PLCH1: variants seen among roughly 807,000 people sequenced by gnomAD.
PLCH1 encodes 1-phosphatidylinositol 4,5-bisphosphate phosphodiesterase eta-1.
In PLCH1, 60 loss-of-function variants were observed where a neutral mutation model predicts 126.7. That is an observed-to-expected ratio of 0.47 (90% CI 0.38 to 0.59). The LOEUF (loss-of-function observed/expected upper bound fraction) is 0.59, where lower values mean the gene tolerates loss of function less well. Among genes scored for constraint, PLCH1 ranks in the 20% least tolerant of loss-of-function variants. The pLI, the probability that PLCH1 is intolerant of heterozygous loss-of-function variation, is 0.00. For synonymous variants in PLCH1, 719 were observed against 734.9 expected, an observed-to-expected ratio of 0.98 and a Z score of 0.35; for missense variants, 1,723 against 2,040.0, an observed-to-expected ratio of 0.84 and a Z score of 2.99.
At chr3:155,702,913 C>A (rs6806592) in intron 2 of PLCH1, among the ~76,000 whole-genome samples, 12,100 of 152,242 alleles carry the variant, frequency 0.079, 522 homozygotes, top group Middle Eastern at 0.17. Flanking sequence ...CTCAGTGCCA[C>A]AGGGTCAAGT....
chr3:155,700,706 A>T (rs1158497677), intron 2 of PLCH1, among the ~76,000 whole-genome samples: 2 of 152,248 alleles, frequency 1.3e-5, no homozygotes, highest in Admixed American at 1.3e-4. Flanking sequence ...TGTGCATATT[A>T]ATTGCAAATA....
chr3:155,469,279 A>T (rs1713064008), intron 21 of PLCH1, among the ~76,000 whole-genome samples: 1 of 152,208 alleles, frequency 6.6e-6, no homozygotes, highest in African/African-American at 2.4e-5. Flanking sequence ...GCAAGGGGTC[A>T]GGGAGTGCCC....
chr3:155,739,585 C>T (rs562232371), intron 1 of PLCH1, among the ~76,000 whole-genome samples: 1 of 152,286 alleles, frequency 6.6e-6, no homozygotes, highest in Non-Finnish European at 1.5e-5. Flanking sequence ...ATCAGAAACT[C>T]TCTACCTGTC....
intron 21 of PLCH1, among the ~76,000 whole-genome samples, chr3:155,472,268 T>TA (rs1713296797): frequency 6.6e-6 from 1 of 152,006 alleles, no homozygotes; most frequent in South Asian, 2.1e-4. Context: ...CCCACAGAAA[T>TA]ACAAACTACC....
chr3:155,693,404 G>A lies in PLCH1; in HGVS notation c.79+10742C>T, dbSNP rs1158813224. On this transcript the variant is annotated intron_variant, in intron 2 of 22. Transcript: ENST00000460012. ...GGCGTGAACCCGGGAAGCGGAGCTT[G>A]CAGTGAGCCGAGATTGCGCCACTGC... 6.0e-5 allele frequency among the ~76,000 whole-genome samples: 2 copies of A among 33,598 alleles called. 1 individual carries two copies. The highest frequency in any genetic ancestry group is 8.8e-5 in the Non-Finnish European group (2 of 22,852). The allele number at this position is 33,598 out of a possible 152,430, so 22.0% of individuals were successfully genotyped here. A position where few individuals can be genotyped will look rare whatever the true frequency, so the allele number is the denominator to read the frequency against.
chr3:155,468,048 T>C (rs1390782848), intron 21 of PLCH1, among the ~76,000 whole-genome samples: 3 of 152,204 alleles, frequency 2.0e-5, no homozygotes, highest in Non-Finnish European at 4.4e-5. Flanking sequence ...AAACACCTTT[T>C]CAAGACATAG....
chr3:155,482,989 A>C lies in PLCH1; in HGVS notation c.3037T>G (p.Phe1013Val). 6.2e-7 allele frequency: 1 copy of C among 1,614,002 alleles called. No homozygotes were observed. Among genetic ancestry groups the C allele is most frequent in the Non-Finnish European group, 8.5e-7 (1 of 1,179,934 alleles). ...GAGGAGGATGATAACTTTTTGTTGA[A>C]ATTTAGAAAATGTGGATCTTTTATA... is the stretch of plus-strand genomic sequence containing the variant. ...ASIKDPHFLN[F>V]NKKLSSSSSA... The change falls in exon 23 of 23, where the codon TTC becomes GTC. Residue 1013 changes from phenylalanine (F) to valine (V), a missense_variant. Phe to Val is a conservative substitution (Grantham distance 50, BLOSUM62 -1). Around this residue, in one of 2 missense-constraint regions of PLCH1, gnomAD observed 947 missense variants for 977.1 expected, o/e 0.97. Coordinates refer to ENST00000460012, the MANE Select transcript of PLCH1 (RefSeq NM_014996.4).
chr3:155,708,040 T>C (rs1488337064), intron 1 of PLCH1, among the ~76,000 whole-genome samples: 1 of 152,184 alleles, frequency 6.6e-6, no homozygotes. Flanking sequence ...GTTTCCCAGT[T>C]ACTGAGAACC....
At chr3:155,543,141 A>G (rs1344454961) in intron 10 of PLCH1, among the ~76,000 whole-genome samples, 1 of 152,214 alleles carries the variant, frequency 6.6e-6, no homozygotes, top group Non-Finnish European at 1.5e-5. Flanking sequence ...AAACTTTGAA[A>G]AAAATTTAGA....
rs1387223214 is a variant in PLCH1, at chr3:155,480,449, A to G, written c.*519T>C. ...ATGGGTGGGATAAGAACATCCTAAA[A>G]GGCAAGGTAACTATTTTAAAGTTTT... On this transcript the variant is annotated 3_prime_UTR_variant, in exon 23 of 23. Transcript: ENST00000460012. The G allele has an allele frequency of 6.5e-6, 1 of 154,048 alleles. No homozygotes were observed. The highest frequency in any genetic ancestry group is 2.4e-5 in the African/African-American group (1 of 41,448). 9.5% of individuals were successfully genotyped at this position (154,048 alleles called of 1,614,324 possible).
At position 155,486,303 on chromosome 3, in the gene PLCH1, A is replaced by G. The variant is rs1009783340; in HGVS notation, c.2620-593T>C. ...CAAAAGAAAAAATGCATACATGTCT[A>G]TAAACCCTTTCTCTTAGTTTTGGGG... On this transcript the variant is annotated intron_variant, in intron 21 of 22. Coordinates refer to ENST00000460012, the MANE Select transcript of PLCH1 (RefSeq NM_014996.4). 3 of 708,452 alleles carry G rather than the reference A, an allele frequency of 4.2e-6. No individual in the cohort carries two copies. In the African/African-American group the frequency reaches 5.4e-5, roughly 13 times the overall value. The allele number at this position is 708,452 out of a possible 1,614,324, so 43.9% of individuals were successfully genotyped here. A position where few individuals can be genotyped will look rare whatever the true frequency, so the allele number is the denominator to read the frequency against.
intron 1 of PLCH1, among the ~76,000 whole-genome samples, chr3:155,724,820 T>C (rs1472533359): frequency 2.1e-5 from 3 of 143,224 alleles, no homozygotes; most frequent in Non-Finnish European, 4.5e-5. Flanking sequence ...GTTTTGTGTG[T>C]GTGTGTGTGT....
At chr3:155,614,403 A>G (rs568084192) in intron 2 of PLCH1, among the ~76,000 whole-genome samples, 1 of 152,332 alleles carries the variant, frequency 6.6e-6, no homozygotes, top group African/African-American at 2.4e-5. Flanking sequence ...ACTATACTAC[A>G]AGGAGATAGT....
chr3:155,528,895 C>G (rs530254994), intron 10 of PLCH1, among the ~76,000 whole-genome samples: 2 of 152,144 alleles, frequency 1.3e-5, no homozygotes, highest in Non-Finnish European at 2.9e-5. Context: ...CTTTAAAAAT[C>G]TAATTAAAAG....
intron 2 of PLCH1, among the ~76,000 whole-genome samples, chr3:155,660,455 T>G (rs1055577846): frequency 2.6e-5 from 4 of 152,212 alleles, no homozygotes; most frequent in African/African-American, 9.6e-5. Context: ...GACTTTTTGG[T>G]GGTTAGTATA....
At chr3:155,709,615 T>C (rs1746939324) in intron 1 of PLCH1, among the ~76,000 whole-genome samples, 1 of 152,150 alleles carries the variant, frequency 6.6e-6, no homozygotes, top group Admixed American at 6.5e-5. Flanking sequence ...CATCCATTCA[T>C]TCATTCATTT....
At chr3:155,642,771 A>C (rs1228498904) in intron 2 of PLCH1, among the ~76,000 whole-genome samples, 1 of 152,158 alleles carries the variant, frequency 6.6e-6, no homozygotes, top group East Asian at 1.9e-4. Flanking sequence ...TTTGCATGTG[A>C]ATGTTTATTT....
At chr3:155,653,056 T>G (rs1443346333) in intron 2 of PLCH1, among the ~76,000 whole-genome samples, 1 of 151,930 alleles carries the variant, frequency 6.6e-6, no homozygotes, top group African/African-American at 2.4e-5. Context: ...GCCACGTGGG[T>G]GGGTGGGTAA....
At position 155,539,186 on chromosome 3, in the gene PLCH1, A is replaced by G. The variant is rs547249341; in HGVS notation, c.1362+10601T>C. Among the ~76,000 whole-genome samples the G allele has an allele frequency of 2.6e-5, 4 of 152,290 alleles. No individual in the cohort carries two copies. In the South Asian group the frequency reaches 8.3e-4, roughly 32 times the overall value. On this transcript the variant is annotated intron_variant, in intron 10 of 22. Coordinates refer to ENST00000460012, the MANE Select transcript of PLCH1 (RefSeq NM_014996.4). ...TCATCTCAATAGATGCAGAAAAAGCATTTAACAAAATCCAGCATCTCTTTA... is the reference window on the plus strand; with the variant it reads ...TCATCTCAATAGATGCAGAAAAAGCGTTTAACAAAATCCAGCATCTCTTTA...
Sources: gnomAD v4.1 joint callset for allele counts (sites outside exome capture counted in the v4.1 genomes callset) on GRCh38, gnomAD v4.1.1 for gene constraint, gnomAD v4.1.1 regional missense constraint, MANE v1.5 for transcripts, NCBI Gene and HGNC (gene_info 2026-07-23, HGNC 2026-07-21) for gene names.